DOCK1: variants seen among roughly 807,000 people sequenced by gnomAD.
DOCK1 encodes dedicator of cytokinesis 1.
In DOCK1, 138 loss-of-function variants were observed where a neutral mutation model predicts 262.7. The ratio of observed to expected loss-of-function variants is 0.53; its 90% CI spans 0.46 to 0.61. The LOEUF is 0.61. DOCK1 is among the 20% of genes least tolerant of loss of function. The pLI is 0.00. For missense variants in DOCK1, 1,908 were observed against 2,370.7 expected (o/e 0.80, Z 4.05); for synonymous variants, 866 against 867.4 (o/e 1.00, Z 0.03).
intron 27 of DOCK1, among the ~76,000 whole-genome samples, chr10:127,242,915 C>T (rs1298133137): frequency 5.3e-5 from 8 of 152,112 alleles, no homozygotes; most frequent in Admixed American, 5.2e-4. Flanking sequence ...CGTCCACACT[C>T]GTCACTCCTG....
chr10:127,140,450 C>A (rs2051120645), intron 27 of DOCK1, among the ~76,000 whole-genome samples: 1 of 152,212 alleles, frequency 6.6e-6, no homozygotes, highest in African/African-American at 2.4e-5. Flanking sequence ...GGTCCGCCCC[C>A]CAGCCCATCT....
At chr10:127,334,854 C>G (rs2135697131) in intron 29 of DOCK1, among the ~76,000 whole-genome samples, 1 of 152,198 alleles carries the variant, frequency 6.6e-6, no homozygotes, top group East Asian at 1.9e-4. Flanking sequence ...GTGGTTGATC[C>G]CTTCCCCCTG....
chr10:127,021,832 GA>G (rs370290552), intron 13 of DOCK1, among the ~76,000 whole-genome samples: 6,994 of 147,718 alleles, frequency 0.047, 221 homozygotes, highest in Middle Eastern at 0.076. Context: ...CAGTTTAAAA[GA>G]AAAAAAAAAG....
chr10:127,324,785 T>A (rs945796113), intron 29 of DOCK1, among the ~76,000 whole-genome samples: 5 of 152,212 alleles, frequency 3.3e-5, no homozygotes, highest in Admixed American at 1.3e-4. Context: ...GCATACTGTC[T>A]GTTCTTAGGC....
intron 29 of DOCK1, among the ~76,000 whole-genome samples, chr10:127,273,847 A>T (rs901443347): frequency 3.3e-5 from 5 of 150,106 alleles, no homozygotes; most frequent in African/African-American, 1.2e-4. Flanking sequence ...GCGCCGCTGC[A>T]CTCCAGCCTG....
intron 29 of DOCK1, among the ~76,000 whole-genome samples, chr10:127,259,029 G>C (rs1412349147): frequency 2.0e-5 from 3 of 152,110 alleles, no homozygotes; most frequent in Non-Finnish European, 2.9e-5. Context: ...AAACCTCCCC[G>C]AGGGGTAAGC....
chr10:127,210,351 G>A (rs1376021607), intron 27 of DOCK1, among the ~76,000 whole-genome samples: 2 of 152,192 alleles, frequency 1.3e-5, no homozygotes, highest in African/African-American at 2.4e-5. Context: ...GGAGAGCCAC[G>A]AAGGTGGCAG....
At chr10:126,964,148 A>G (rs2037486470) in intron 1 of DOCK1, among the ~76,000 whole-genome samples, 1 of 152,212 alleles carries the variant, frequency 6.6e-6, no homozygotes, top group Non-Finnish European at 1.5e-5. Context: ...CCAAGTTGCT[A>G]TAAACGGCTG....
intron 39 of DOCK1, 121 bp downstream of exon 39, chr10:127,403,265 C>T (rs1382081254): frequency 2.1e-6 from 2 of 938,872 alleles, no homozygotes; most frequent in African/African-American, 3.3e-5. Flanking sequence ...TTGGCCATGT[C>T]CCTCCGTTTT....
intron 10 of DOCK1, among the ~76,000 whole-genome samples, chr10:127,003,821 G>A (rs781434582): frequency 5.3e-5 from 8 of 152,128 alleles, no homozygotes; most frequent in African/African-American, 1.9e-4. Flanking sequence ...AGGCATGGTG[G>A]TGCATGCCTG....
At chr10:126,968,863 A>G (rs2037876458) in intron 1 of DOCK1, among the ~76,000 whole-genome samples, 1 of 152,236 alleles carries the variant, frequency 6.6e-6, no homozygotes, top group Non-Finnish European at 1.5e-5. Context: ...CTTAATAACT[A>G]ACTAATAACC....
intron 27 of DOCK1, among the ~76,000 whole-genome samples, chr10:127,241,487 T>C (rs1157240479): frequency 6.6e-6 from 1 of 152,160 alleles, no homozygotes; most frequent in Non-Finnish European, 1.5e-5. Flanking sequence ...AGACCCTCTG[T>C]CTCCAAGTTT....
At chr10:126,914,467 AT>A (rs1274009697) in intron 1 of DOCK1, among the ~76,000 whole-genome samples, 2 of 152,154 alleles carry the variant, frequency 1.3e-5, no homozygotes, top group Non-Finnish European at 2.9e-5. Context: ...CAGTGATGCG[AT>A]CATAGCTCAC....
chr10:126,969,044 G>A (rs191021662), intron 1 of DOCK1, among the ~76,000 whole-genome samples: 61 of 152,244 alleles, frequency 4.0e-4, no homozygotes, highest in Admixed American at 2.3e-3. Context: ...TTCAGGTAGC[G>A]GTAGACATCT....
rs182813245 is a variant in DOCK1 at position 127,151,159 on chromosome 10, A to C, written c.2847+23395A>C. ...CCAACATAATAACCACCTTAAGAGT[A>C]ATCGTTAAACTTTAATTATTTCCAT... is the stretch of plus-strand genomic sequence containing the variant. On this transcript the variant is annotated intron_variant, in intron 27 of 51. Transcript: ENST00000623213. 8.4e-4 allele frequency among the ~76,000 whole-genome samples: 128 copies of C among 152,340 alleles called. 2 individuals are homozygous for C. Among genetic ancestry groups the C allele is most frequent in the African/African-American group, 3.0e-3 (123 of 41,584 alleles).
chr10:126,918,322 A>T (rs182336778), intron 1 of DOCK1, among the ~76,000 whole-genome samples: 1 of 152,320 alleles, frequency 6.6e-6, no homozygotes, highest in East Asian at 1.9e-4. Context: ...GGCTCTGCTG[A>T]TGCCTGGGCT....
chr10:127,030,802 C>G (rs2043183511), intron 16 of DOCK1, among the ~76,000 whole-genome samples: 3 of 151,352 alleles, frequency 2.0e-5, no homozygotes, highest in Middle Eastern at 6.8e-3. Context: ...CTATCTCTGT[C>G]TCTGTCTCTG....
intron 29 of DOCK1, among the ~76,000 whole-genome samples, chr10:127,269,169 G>T (rs1017615569): frequency 2.6e-5 from 4 of 152,170 alleles, no homozygotes; most frequent in Non-Finnish European, 5.9e-5. Flanking sequence ...AAGCCTCGCT[G>T]GAGTGTTTTG....
At chr10:127,228,816 T>C (rs2134529747) in intron 27 of DOCK1, among the ~76,000 whole-genome samples, 1 of 152,322 alleles carries the variant, frequency 6.6e-6, no homozygotes, top group East Asian at 1.9e-4. Flanking sequence ...AAAAATTATG[T>C]ATATTTATGA....
Sources: gnomAD v4.1 joint callset for allele counts (sites outside exome capture counted in the v4.1 genomes callset) on GRCh38, gnomAD v4.1.1 for gene constraint, MANE v1.5 for transcripts, NCBI Gene and HGNC (gene_info 2026-07-23, HGNC 2026-07-21) for gene names.